SRGAP1: variants seen among roughly 807,000 people sequenced by gnomAD.
SRGAP1 encodes SLIT-ROBO Rho GTPase activating protein 1, also known as SLIT-ROBO Rho GTPase-activating protein 1.
Under a neutral mutation model 121.9 loss-of-function variants are expected in SRGAP1, and 43 were observed. The ratio of observed to expected loss-of-function variants is 0.35; its 90% confidence interval spans 0.28 to 0.46. The LOEUF is 0.46. Among genes scored for constraint, SRGAP1 ranks in the 20% least tolerant of loss-of-function variants. The pLI, the probability that SRGAP1 is intolerant of heterozygous loss-of-function variation, is 1.00. For missense variants in SRGAP1, 1,102 were observed against 1,350.9 expected (o/e 0.82, Z 2.89); for synonymous variants, 447 against 485.4 (o/e 0.92, Z 1.04).
chr12:64,140,924 A>C (rs1461980269), intron 21 of SRGAP1, among the ~76,000 whole-genome samples: 1 of 123,812 alleles, frequency 8.1e-6, no homozygotes, highest in African/African-American at 3.3e-5. Flanking sequence ...CATATACACC[A>C]TGGAATACTA....
At chr12:64,070,115 T>C (rs558283248) in intron 8 of SRGAP1, among the ~76,000 whole-genome samples, 15 of 152,332 alleles carry the variant, frequency 9.8e-5, no homozygotes, top group African/African-American at 3.6e-4. Flanking sequence ...CATTTATACC[T>C]TTCTCATTAT....
chr12:63,894,885 G>C (rs1213251971), intron 1 of SRGAP1, among the ~76,000 whole-genome samples: 1 of 152,098 alleles, frequency 6.6e-6, no homozygotes, highest in Non-Finnish European at 1.5e-5. Flanking sequence ...TGGACATTTG[G>C]GTTGGTTCCA....
chr12:63,900,992 A>ATT (rs201391666), intron 1 of SRGAP1, among the ~76,000 whole-genome samples: 34 of 142,600 alleles, frequency 2.4e-4, no homozygotes, highest in Admixed American at 2.1e-4. Context: ...TTGTGCACCT[A>ATT]TTTTTTTTTT....
At chr12:64,131,561 G>T (rs1016565386) in intron 21 of SRGAP1, among the ~76,000 whole-genome samples, 2 of 152,180 alleles carry the variant, frequency 1.3e-5, no homozygotes, top group African/African-American at 4.8e-5. Context: ...ATGCAGAACC[G>T]TCTGTGAACC....
chr12:64,097,091 A>T, intron 14 of SRGAP1, 150 bp from the exon 15 acceptor site: 1 of 787,674 alleles, frequency 1.3e-6, no homozygotes, highest in Non-Finnish European at 1.8e-6. Context: ...TATCTAAACC[A>T]ATTATTTTAA....
chr12:63,991,223 A>G (rs1478102053), intron 3 of SRGAP1, among the ~76,000 whole-genome samples: 6 of 152,194 alleles, frequency 3.9e-5, no homozygotes, highest in Non-Finnish European at 8.8e-5. Context: ...CTGTACCTCT[A>G]TTCAGTGAGT....
chr12:64,040,585 G>C (rs1334585780), intron 4 of SRGAP1, among the ~76,000 whole-genome samples: 3 of 152,140 alleles, frequency 2.0e-5, no homozygotes, highest in African/African-American at 7.2e-5. Flanking sequence ...AATTCACCCG[G>C]ATGTCTGACA....
intron 1 of SRGAP1, among the ~76,000 whole-genome samples, chr12:63,893,307 A>G (rs1900648719): frequency 6.6e-6 from 1 of 152,218 alleles, no homozygotes. Flanking sequence ...TGAGTCCATT[A>G]TCATAAGAAA....
chr12:64,060,367 C>T (rs1025962514), intron 6 of SRGAP1, among the ~76,000 whole-genome samples: 1 of 151,896 alleles, frequency 6.6e-6, no homozygotes, highest in South Asian at 2.1e-4. Flanking sequence ...CCCCTATACT[C>T]GGCTAATTTT....
chr12:64,130,721 T>A (rs898487124), intron 21 of SRGAP1, among the ~76,000 whole-genome samples: 1 of 152,154 alleles, frequency 6.6e-6, no homozygotes, highest in Non-Finnish European at 1.5e-5. Context: ...TCTTTAGCCA[T>A]AAAGTAAGTG....
intron 18 of SRGAP1, among the ~76,000 whole-genome samples, chr12:64,121,505 T>C (rs1054970246): frequency 4.6e-5 from 7 of 152,206 alleles, no homozygotes; most frequent in Non-Finnish European, 8.8e-5. Context: ...TCCTCCTGCC[T>C]CAGCCTCCCA....
At chr12:64,104,007 T>C (rs1022185360) in intron 15 of SRGAP1, among the ~76,000 whole-genome samples, 4 of 152,226 alleles carry the variant, frequency 2.6e-5, no homozygotes, top group African/African-American at 7.2e-5. Flanking sequence ...AAACGGTTTC[T>C]AAATGTGGCT....
intron 1 of SRGAP1, among the ~76,000 whole-genome samples, chr12:63,970,222 G>A (rs2032903924): frequency 6.6e-6 from 1 of 152,198 alleles, no homozygotes; most frequent in Non-Finnish European, 1.5e-5. Flanking sequence ...CATTGTAGAT[G>A]CGTAATTAGG....
chr12:63,912,606 T>G (rs1333925584), intron 1 of SRGAP1, among the ~76,000 whole-genome samples: 1 of 144,296 alleles, frequency 6.9e-6, no homozygotes, highest in Admixed American at 7.0e-5. Flanking sequence ...GGAACAAGAC[T>G]CCATTTTAAA....
intron 1 of SRGAP1, among the ~76,000 whole-genome samples, chr12:63,910,134 AG>A (rs1030394135): frequency 2.2e-4 from 33 of 152,350 alleles, no homozygotes; most frequent in African/African-American, 7.9e-4. Flanking sequence ...TCTTTACTCC[AG>A]GGGATCAAAT....
chr12:64,068,920 G>A (rs1285474158), intron 8 of SRGAP1, among the ~76,000 whole-genome samples: 6 of 150,544 alleles, frequency 4.0e-5, no homozygotes, highest in Non-Finnish European at 5.9e-5. Context: ...TGAGGCAGGA[G>A]AATCACTTGA....
rs140190032 is a variant in SRGAP1, at chr12:63,956,991, T to G, written c.68-26956T>G. Among the ~76,000 whole-genome samples, 10 of 152,350 alleles carry G rather than the reference T, an allele frequency of 6.6e-5. No individual in the cohort carries two copies. The East Asian group carries it at 1.9e-3, about 29-fold the overall frequency. ...TATATTTGTCCTTTTATGTCTGTCC[T>G]CATTCATTTAGCATAATATTTTGAA... On this transcript the variant is annotated intron_variant, in intron 1 of 21. Coordinates refer to ENST00000355086, the MANE Select transcript of SRGAP1 (RefSeq NM_020762.4).
chr12:64,075,779 A>G (rs1017169421), intron 8 of SRGAP1, among the ~76,000 whole-genome samples: 2 of 152,110 alleles, frequency 1.3e-5, no homozygotes, highest in African/African-American at 4.8e-5. Flanking sequence ...TACTCTTTGC[A>G]TTGTGCATAA....
At chr12:63,956,115 C>T (rs1215834875) in intron 1 of SRGAP1, among the ~76,000 whole-genome samples, 2 of 152,154 alleles carry the variant, frequency 1.3e-5, no homozygotes, top group Admixed American at 1.3e-4. Flanking sequence ...GGCTGGAGTG[C>T]ATTGGCGCAA....
Sources: allele counts gnomAD v4.1 joint callset (sites outside exome capture counted in the v4.1 genomes callset), GRCh38; gene constraint gnomAD v4.1.1; transcripts MANE v1.5; gene names NCBI Gene and HGNC (gene_info 2026-07-23, HGNC 2026-07-21).